HIGD1B: variants seen among roughly 807,000 people sequenced by gnomAD.
HIGD1B encodes HIG1 domain family member 1B.
A neutral mutation model predicts 8.8 loss-of-function variants in HIGD1B; 9 were observed. The observed-to-expected ratio is 1.02, with a 90% CI of 0.62 to 1.78. The LOEUF is 1.78. Among genes scored for constraint, HIGD1B ranks in the 40% most tolerant of loss-of-function variants. The pLI is 0.00. For synonymous variants in HIGD1B, 47 were observed against 38.8 expected, an observed-to-expected ratio of 1.21 and a Z score of -0.78; for missense variants, 126 against 111.8, an observed-to-expected ratio of 1.13 and a Z score of -0.57.
At chr17:44,847,435 G>A (rs9910475), upstream of HIGD1B, among the ~76,000 whole-genome samples, 6,717 of 152,278 alleles carry the variant, frequency 0.044, 247 homozygotes, top group South Asian at 0.12. Context: ...GCGAGACTCC[G>A]TCTCAAAAAG....
chr17:44,846,647 A>G (rs2050325138), upstream of HIGD1B, among the ~76,000 whole-genome samples: 1 of 151,980 alleles, frequency 6.6e-6, no homozygotes, highest in Admixed American at 6.6e-5. Flanking sequence ...TACAAAAATT[A>G]GCTGAGCGTG....
upstream of HIGD1B, chr17:44,846,406 T>C (rs2050322923): frequency 6.6e-6 from 1 of 152,420 alleles, no homozygotes; most frequent in South Asian, 2.1e-4. Context: ...CCCGTTCTCC[T>C]CGTTCTAGCC....
intron 1 of HIGD1B, 23 bp from the exon 2 acceptor site, chr17:44,849,231 G>C (rs1267049574): frequency 6.2e-7 from 1 of 1,613,362 alleles, no homozygotes; most frequent in Admixed American, 1.7e-5. Context: ...CTGTGGCCCA[G>C]GGGCTGTGTT....
chr17:44,848,333 A>G (rs2050349321), intron 1 of HIGD1B, 81 bp downstream of exon 1: 2 of 778,748 alleles, frequency 2.6e-6, no homozygotes, highest in African/African-American at 1.7e-5. Context: ...AGAATGAAGC[A>G]GAGGTCAGAA....
chr17:44,848,107 G>A lies in HIGD1B; in HGVS notation c.-46G>A, dbSNP rs933101257. The A allele has an allele frequency of 4.7e-6, 4 of 850,460 alleles. No homozygotes were observed. The highest frequency in any genetic ancestry group is 2.4e-5 in the East Asian group (1 of 41,554). The allele number at this position is 850,460 out of a possible 1,614,324, so 52.7% of individuals were successfully genotyped here. ...TGTGGAGTGCCTCTCTCTAGGACGG[G>A]GCTGCAGCATAGGAGTCTCAGCTGC... On this transcript the variant is annotated 5_prime_UTR_variant, in exon 1 of 3. Coordinates refer to ENST00000253410, the MANE Select transcript of HIGD1B (RefSeq NM_016438.4).
Position 44,850,452 on chromosome 17 carries a change from C to A in HIGD1B, c.*56C>A. On this transcript the variant is annotated 3_prime_UTR_variant, in exon 3 of 3. Transcript: ENST00000253410. Reference sequence around the variant, plus strand: ...CCCCTAACTCAATCCCTGGTACATTCCTAATAAAGCAGTTTTGAGGAAAAT... The same window carrying A: ...CCCCTAACTCAATCCCTGGTACATTACTAATAAAGCAGTTTTGAGGAAAAT... The A allele has an allele frequency of 1.5e-6, 2 of 1,311,874 alleles. No homozygotes were observed. The highest frequency in any genetic ancestry group is 2.2e-6 in the Non-Finnish European group (2 of 915,572). The allele number at this position is 1,311,874 out of a possible 1,614,324, so 81.3% of individuals were successfully genotyped here. A position where few individuals can be genotyped will look rare whatever the true frequency, so the allele number is the denominator to read the frequency against.
upstream of HIGD1B, among the ~76,000 whole-genome samples, chr17:44,845,253 C>T (rs2050312925): frequency 1.8e-5 from 2 of 113,880 alleles, no homozygotes; most frequent in South Asian, 3.1e-4. Context: ...AGTGAAACTC[C>T]GTCTCAAAAA....
chr17:44,850,430 CT>C lies in HIGD1B; in HGVS notation c.*35del. 1 of 1,486,848 alleles carries C rather than the reference CT, an allele frequency of 6.7e-7. No individual in the cohort carries two copies. Among genetic ancestry groups the C allele is most frequent in the Non-Finnish European group, 9.4e-7 (1 of 1,068,368 alleles). The allele number at this position is 1,486,848 out of a possible 1,614,324, so 92.1% of individuals were successfully genotyped here. The stretch of plus-strand genomic sequence containing the variant: ...TAGGAGCCGGGGCTGTCCAACTCCC[CT>C]AACTCAATCCCTGGTACATTCCTAA... On this transcript the variant is annotated 3_prime_UTR_variant, in exon 3 of 3. Coordinates refer to ENST00000253410, the MANE Select transcript of HIGD1B (RefSeq NM_016438.4).
chr17:44,849,384 G>A lies in HIGD1B; in HGVS notation c.231G>A (p.Met77Ile). The stretch of plus-strand genomic sequence containing the variant: ...AGGCCTGTGCAGTGGGTGCAATCAT[G>A]CTAGGTGAGTAGCTTTGTGGGGTCG... ...AAQACAVGAIMLGAVYTMYSD... is the reference protein window; with the variant it reads ...AAQACAVGAIILGAVYTMYSD... Residue 77 changes from methionine to isoleucine, a missense_variant, in exon 2 of 3, where the codon ATG (methionine) becomes ATA (isoleucine). Coordinates refer to ENST00000253410, the MANE Select transcript of HIGD1B (RefSeq NM_016438.4). The A allele has an allele frequency of 6.2e-7, 1 of 1,614,052 alleles. No individual in the cohort carries two copies. The highest frequency in any genetic ancestry group is 8.5e-7 in the Non-Finnish European group (1 of 1,179,950).
chr17:44,849,692 G>A (rs928860800), intron 2 of HIGD1B, among the ~76,000 whole-genome samples: 1 of 150,668 alleles, frequency 6.6e-6, no homozygotes, highest in African/African-American at 2.5e-5. Context: ...CCTGGGAGGC[G>A]GAGGCTACAG....
In HIGD1B at chr17:44,848,129, C is replaced by T; in HGVS notation, c.-24C>T. ...CGGGGCTGCAGCATAGGAGTCTCAG[C>T]TGCTTACATCCAGGTCCAGGATTAT... On this transcript the variant is annotated 5_prime_UTR_variant, in exon 1 of 3. Coordinates refer to ENST00000253410, the MANE Select transcript of HIGD1B (RefSeq NM_016438.4). 1 of 868,410 alleles carries T rather than the reference C, an allele frequency of 1.2e-6. No homozygotes were observed. The highest frequency in any genetic ancestry group is 2.0e-6 in the Non-Finnish European group (1 of 499,148). 53.8% of individuals were successfully genotyped at this position (868,410 alleles called of 1,614,324 possible).
chr17:44,845,854 C>T (rs531252362), upstream of HIGD1B, among the ~76,000 whole-genome samples: 148 of 152,076 alleles, frequency 9.7e-4, no homozygotes, highest in African/African-American at 3.4e-3. Flanking sequence ...ATCACTTGAA[C>T]CTGGGAGCGG....
At chr17:44,847,136 C>CA (rs1461196896), upstream of HIGD1B, among the ~76,000 whole-genome samples, 5 of 146,532 alleles carry the variant, frequency 3.4e-5, no homozygotes, top group Admixed American at 2.1e-4. Context: ...AACTCCGTCT[C>CA]AAAAAAACAA....
chr17:44,848,380 A>G (rs2050350337), intron 1 of HIGD1B, 128 bp downstream of exon 1: 2 of 633,748 alleles, frequency 3.2e-6, no homozygotes, highest in Non-Finnish European at 5.6e-6. Flanking sequence ...AAGGGAAACA[A>G]CAGCAAAGGT....
chr17:44,846,823 C>A (rs1193650808), upstream of HIGD1B, among the ~76,000 whole-genome samples: 2 of 151,298 alleles, frequency 1.3e-5, no homozygotes, highest in Non-Finnish European at 2.9e-5. Flanking sequence ...GAGAGTTTGC[C>A]GTATGGTTAG....
At chr17:44,849,758 C>CAAAAAAAAAAAAAA (rs61617877) in intron 2 of HIGD1B, among the ~76,000 whole-genome samples, 20 of 52,550 alleles carry the variant, frequency 3.8e-4, no homozygotes, top group African/African-American at 1.3e-3. Context: ...GACTCTGTCT[C>CAAAAAAAAAAAAAA]AAAAAAAAAA....
chr17:44,845,397 C>T (rs2050314702), upstream of HIGD1B, among the ~76,000 whole-genome samples: 1 of 152,096 alleles, frequency 6.6e-6, no homozygotes, highest in Non-Finnish European at 1.5e-5. Context: ...GTAGCTTCCA[C>T]CTTTAATCCC....
chr17:44,849,055 C>A lies in HIGD1B; in HGVS notation c.101-199C>A, dbSNP rs1329664076. 2.2e-5 allele frequency: 12 copies of A among 547,794 alleles called. No individual in the cohort carries two copies. The African/African-American group carries it at 2.3e-4, about 11-fold the overall frequency. 33.9% of individuals were successfully genotyped at this position (547,794 alleles called of 1,614,324 possible). On this transcript the variant is annotated intron_variant, in intron 1 of 2. Transcript: ENST00000253410. ...CTCCCAAAAGTGCTGGGATTACAGG[C>A]GTGAGCCACCATGCCCCGGCAACAA... is the stretch of plus-strand genomic sequence containing the variant.
intron 1 of HIGD1B, among the ~76,000 whole-genome samples, chr17:44,848,579 G>C (rs1229148254): frequency 6.6e-6 from 1 of 152,140 alleles, no homozygotes; most frequent in Non-Finnish European, 1.5e-5. Flanking sequence ...AGCTGTACCA[G>C]GAGGTGGGAG....
Sources: allele counts gnomAD v4.1 joint callset (sites outside exome capture counted in the v4.1 genomes callset), GRCh38; gene constraint gnomAD v4.1.1; transcripts MANE v1.5; gene names NCBI Gene and HGNC (gene_info 2026-07-23, HGNC 2026-07-21).